MACF1: variants seen among roughly 807,000 people sequenced by gnomAD.
MACF1 encodes microtubule-actin cross-linking factor 1.
MACF1 carries 193 observed loss-of-function variants against 854.8 expected under a neutral mutation model. The ratio of observed to expected loss-of-function variants is 0.23; its 90% CI spans 0.20 to 0.25. MACF1 has a LOEUF of 0.25. Among genes scored for constraint, MACF1 ranks in the 10% least tolerant of loss-of-function variants. The probability of loss-of-function intolerance (pLI) is 1.00; values close to 1 mark genes in which losing one functional copy is unlikely to be tolerated. For missense variants in MACF1, 7,722 were observed against 8,929.1 expected (o/e 0.86, Z 5.45); for synonymous variants, 3,185 against 3,226.7 (o/e 0.99, Z 0.44).
chr1:39,481,091 G>A (rs1368486000), intron 99 of MACF1, 61 bp downstream of exon 99: 1 of 1,005,596 alleles, frequency 9.9e-7, no homozygotes, highest in East Asian at 2.6e-5. Context: ...TACTGGACTT[G>A]ACCAGCTCTT....
rs1192375442 is a variant in MACF1 at position 39,347,122 on chromosome 1, C to G, written c.10727C>G (p.Ser3576Cys). Residue 3576 changes from serine (S) to cysteine (C), a missense_variant, in exon 41 of 101, where the codon TCC (serine) becomes TGC (cysteine). By Grantham distance (112) the Ser-to-Cys change is moderately radical. Coordinates refer to ENST00000564288, the MANE Select transcript of MACF1 (RefSeq NM_001394062.1). ...MLRLLNELQR[S>C]FQDILEQTAA... The stretch of plus-strand genomic sequence containing the variant: ...AGGCTTCTGAATGAACTGCAGAGGT[C>G]CTTCCAGGACATTTTGGAACAGACT... 6.2e-7 allele frequency: 1 copy of G among 1,614,068 alleles called. No individual in the cohort carries two copies. Among genetic ancestry groups the G allele is most frequent in the Admixed American group, 1.7e-5 (1 of 60,028 alleles).
chr1:39,388,093 C>G lies in MACF1; in HGVS notation c.15251C>G (p.Ser5084Cys). Residue 5084 changes from serine to cysteine, a missense_variant, in exon 58 of 101, where the codon TCT becomes TGT. Around this residue, in one of 15 missense-constraint regions of MACF1, gnomAD observed 2,807 missense variants for 3,235.8 expected, o/e 0.87. Transcript: ENST00000564288. ...CTGGTAGAAGATGCCCCAGATGGAT[C>G]TGATGCTTCTCAACTTCTCCACCAA... ...QGLVEDAPDGSDASQLLHQAE... is the reference protein window; with the variant it reads ...QGLVEDAPDGCDASQLLHQAE... 6.2e-7 allele frequency: 1 copy of G among 1,614,076 alleles called. No individual in the cohort carries two copies. Among genetic ancestry groups the G allele is most frequent in the Non-Finnish European group, 8.5e-7 (1 of 1,180,020 alleles).
intron 35 of MACF1, among the ~76,000 whole-genome samples, chr1:39,325,369 G>A (rs1263456888): frequency 1.3e-5 from 2 of 152,242 alleles, no homozygotes; most frequent in Non-Finnish European, 2.9e-5. Flanking sequence ...TGCCTCTGGT[G>A]ACAAGTTGTG....
intron 6 of MACF1, among the ~76,000 whole-genome samples, chr1:39,263,755 ATCTTTTT>A (rs1645193470): frequency 3.1e-5 from 4 of 130,950 alleles, no homozygotes; most frequent in African/African-American, 1.2e-4. Context: ...CCTTTCTTTC[ATCTTTTT>A]TCTTTTTTCT....
At chr1:39,272,065 T>C (rs1195632821) in intron 6 of MACF1, among the ~76,000 whole-genome samples, 2 of 152,228 alleles carry the variant, frequency 1.3e-5, no homozygotes, top group East Asian at 1.9e-4. Flanking sequence ...ATACTACTTA[T>C]GTATAGCCAA....
Position 39,241,047 on chromosome 1 carries a change from T to C in MACF1, c.172-8967T>C, listed in dbSNP as rs1644916365. On this transcript the variant is annotated intron_variant, in intron 2 of 100. Transcript: ENST00000564288. Reference sequence around the variant, plus strand: ...GTAAAGAAGTCTAGGACAACTATAATCTGTTTTTTTTTTTTTTTTTAGTGT... The same window carrying C: ...GTAAAGAAGTCTAGGACAACTATAACCTGTTTTTTTTTTTTTTTTTAGTGT... Among the ~76,000 whole-genome samples, 7 of 148,988 alleles carry C rather than the reference T, an allele frequency of 4.7e-5. No individual in the cohort carries two copies. In the South Asian group the frequency reaches 1.5e-3, roughly 31 times the overall value.
chr1:39,460,493 A>G lies in MACF1; in HGVS notation c.21361-139A>G. 1.4e-6 allele frequency: 1 copy of G among 712,652 alleles called. No homozygotes were observed. Among genetic ancestry groups the G allele is most frequent in the Non-Finnish European group, 2.4e-6 (1 of 422,082 alleles). 44.1% of individuals were successfully genotyped at this position (712,652 alleles called of 1,614,324 possible). Reference sequence around the variant, plus strand: ...AAGAGCCAGATTGTGCCTTCACAAAAGAAGCAAACACATAGATTTCATTGT... The same window carrying G: ...AAGAGCCAGATTGTGCCTTCACAAAGGAAGCAAACACATAGATTTCATTGT... On this transcript the variant is annotated intron_variant, in intron 91 of 100. Transcript: ENST00000564288. The surrounding 1 kb of genome is among the most constrained non-coding windows in gnomAD (Gnocchi z 4.1).
chr1:39,402,077 TGG>T (rs1642498440), intron 58 of MACF1, among the ~76,000 whole-genome samples: 1 of 108,388 alleles, frequency 9.2e-6, no homozygotes, highest in Non-Finnish European at 2.4e-5. Flanking sequence ...CCAGGCTTGG[TGG>T]TGGGTGCCTA....
At position 39,485,688 on chromosome 1, in the gene MACF1, G is replaced by T. The variant is rs1645092994; in HGVS notation, c.22562G>T (p.Gly7521Val). The change falls in exon 101 of 101, where the codon GGG becomes GTG. Residue 7521 changes from glycine (G) to valine (V), a missense_variant. Coordinates refer to ENST00000564288, the MANE Select transcript of MACF1 (RefSeq NM_001394062.1). ...GACACTTCAGAAAGCAGCGCTGCAG[G>T]GGGCCAAGGCAACTCCAGGAGAGGG... Reference protein sequence around the residue: ...CSDTSESSAAGGQGNSRRGLN... With the variant: ...CSDTSESSAAVGQGNSRRGLN... The T allele has an allele frequency of 6.2e-7, 1 of 1,613,894 alleles. No homozygotes were observed. The highest frequency in any genetic ancestry group is 1.7e-5 in the Admixed American group (1 of 59,980).
chr1:39,263,908 G>A (rs1051146979), intron 6 of MACF1, among the ~76,000 whole-genome samples: 1 of 151,248 alleles, frequency 6.6e-6, no homozygotes, highest in Non-Finnish European at 1.5e-5. Flanking sequence ...CGAGTAGCTG[G>A]GGCTACAGGC....
chr1:39,477,070 TATATATATATATATATATATAC>T (rs764532528), intron 97 of MACF1, among the ~76,000 whole-genome samples: 2,394 of 42,588 alleles, frequency 0.056, 115 homozygotes, highest in African/African-American at 0.17. Flanking sequence ...TATATATATA[TATATATATATATATATATATAC>T]ACACACACAC....
intron 2 of MACF1, among the ~76,000 whole-genome samples, chr1:39,233,007 T>TTTG (rs541207629): frequency 7.2e-4 from 101 of 139,506 alleles, no homozygotes; most frequent in African/African-American, 1.3e-3. Flanking sequence ...CTTTCTTGTT[T>TTTG]TTGTTGTTGT....
chr1:39,271,376 C>A (rs977884583), intron 6 of MACF1, among the ~76,000 whole-genome samples: 2 of 152,100 alleles, frequency 1.3e-5, no homozygotes, highest in Non-Finnish European at 2.9e-5. Flanking sequence ...GACCGAATCT[C>A]ATGAAAACCC....
chr1:39,403,717 C>G (rs1642572561), intron 58 of MACF1, among the ~76,000 whole-genome samples: 1 of 152,026 alleles, frequency 6.6e-6, no homozygotes, highest in Non-Finnish European at 1.5e-5. Flanking sequence ...GTGTATTATT[C>G]TGAACAAGTA....
chr1:39,219,994 G>T (rs1285443339), intron 1 of MACF1, among the ~76,000 whole-genome samples: 2 of 151,990 alleles, frequency 1.3e-5, no homozygotes, highest in Non-Finnish European at 2.9e-5. Flanking sequence ...CAGGTGATCT[G>T]CCCACCTCAG....
chr1:39,285,419 C>G, intron 13 of MACF1, 29 bp downstream of exon 13: 3 of 1,606,850 alleles, frequency 1.9e-6, no homozygotes, highest in Non-Finnish European at 2.6e-6. Flanking sequence ...TGTCCAACAT[C>G]TGTGTCACAT....
At chr1:39,147,472 C>G (rs1013469962) in intron 2 of MACF1, among the ~76,000 whole-genome samples, 1 of 143,294 alleles carries the variant, frequency 7.0e-6, no homozygotes. Context: ...CCTCTTTTTT[C>G]CCCTCCCTTC....
intron 94 of MACF1, chr1:39,464,717 C>A: frequency 4.9e-6 from 1 of 206,036 alleles, no homozygotes; most frequent in Admixed American, 5.5e-5. Context: ...AATTCGAGAC[C>A]AACCTGGCCA....
In MACF1 at chr1:39,428,012, A is replaced by C; in HGVS notation, c.16528A>C (p.Lys5510Gln). 6.2e-7 allele frequency: 1 copy of C among 1,614,252 alleles called. No homozygotes were observed. The stretch of plus-strand genomic sequence containing the variant: ...TGCAACAGATGTGCACCAGGCAGTC[A>C]AAATTGGGCAGTCCCTCTCCTCCCT... ...NHATDVHQAV[K>Q]IGQSLSSLTS... Residue 5510 changes from lysine to glutamine, a missense_variant, in exon 63 of 101, where the codon AAA (lysine) becomes CAA (glutamine). Around this residue, in one of 15 missense-constraint regions of MACF1, gnomAD observed 2,807 missense variants for 3,235.8 expected, o/e 0.87. Coordinates refer to ENST00000564288, the MANE Select transcript of MACF1 (RefSeq NM_001394062.1).
Sources: allele counts gnomAD v4.1 joint callset (sites outside exome capture counted in the v4.1 genomes callset), GRCh38; gene constraint gnomAD v4.1.1; regional missense constraint gnomAD v4.1.1; non-coding constraint Gnocchi (gnomAD v3.1); transcripts MANE v1.5; gene names NCBI Gene and HGNC (gene_info 2026-07-23, HGNC 2026-07-21).